AXDND1: variants seen among roughly 807,000 people sequenced by gnomAD.
The protein encoded by AXDND1 is axonemal dynein light chain domain-containing protein 1.
Under a neutral mutation model 137.5 loss-of-function variants are expected in AXDND1, and 110 were observed. The observed-to-expected ratio is 0.80, with a 90% CI of 0.69 to 0.94. The LOEUF is 0.94. Among genes scored for constraint, AXDND1 ranks in the 40% least tolerant of loss-of-function variants. AXDND1 has a pLI of 0.00. For missense variants in AXDND1, 1,191 were observed against 1,169.8 expected (o/e 1.02, Z -0.26); for synonymous variants, 414 against 399.7 (o/e 1.04, Z -0.43).
At chr1:179,518,723 T>A (rs1345666723) in intron 21 of AXDND1, among the ~76,000 whole-genome samples, 1 of 152,216 alleles carries the variant, frequency 6.6e-6, no homozygotes, top group East Asian at 1.9e-4. Context: ...ATGATCTCAT[T>A]CTTTTTTATG....
At chr1:179,524,875 A>G (rs562760900) in intron 21 of AXDND1, among the ~76,000 whole-genome samples, 3 of 152,288 alleles carry the variant, frequency 2.0e-5, no homozygotes, top group Non-Finnish European at 2.9e-5. Context: ...ATAAGAGCCA[A>G]TCATCTCCCT....
At chr1:179,537,787 C>G (rs1430213534) in intron 25 of AXDND1, among the ~76,000 whole-genome samples, 1 of 152,042 alleles carries the variant, frequency 6.6e-6, no homozygotes, top group African/African-American at 2.4e-5. Context: ...CTCTTTGTAC[C>G]TCTGGTAGAA....
chr1:179,518,392 T>C (rs57340322), intron 21 of AXDND1, among the ~76,000 whole-genome samples: 48,326 of 151,292 alleles, frequency 0.32, 8,513 homozygotes, highest in Middle Eastern at 0.44. Flanking sequence ...TTTCTTTTTT[T>C]TTTTTTTGAC....
At chr1:179,381,468 C>T (rs1023169799) in intron 6 of AXDND1, among the ~76,000 whole-genome samples, 4 of 150,844 alleles carry the variant, frequency 2.7e-5, no homozygotes, top group Non-Finnish European at 5.9e-5. Flanking sequence ...CTCAGCCTCC[C>T]GAGTAGCTGT....
At chr1:179,446,909 A>G (rs975358857) in intron 16 of AXDND1, among the ~76,000 whole-genome samples, 4 of 71,954 alleles carry the variant, frequency 5.6e-5, no homozygotes, top group African/African-American at 1.3e-4. Flanking sequence ...TAATCTCTCT[A>G]TATTTTACTT....
intron 15 of AXDND1, among the ~76,000 whole-genome samples, chr1:179,436,474 A>G (rs1658165292): frequency 2.0e-5 from 3 of 152,248 alleles, no homozygotes; most frequent in Non-Finnish European, 4.4e-5. Flanking sequence ...GATAAAGAAA[A>G]TGTGGTACAT....
At chr1:179,367,515 A>G (rs187761764) in intron 2 of AXDND1, among the ~76,000 whole-genome samples, 259 of 151,978 alleles carry the variant, frequency 1.7e-3, no homozygotes, top group Admixed American at 3.1e-3. Flanking sequence ...CTCCGTCTCA[A>G]ATCACGAGGT....
At chr1:179,394,104 T>G (rs1650635794) in intron 10 of AXDND1, 61 bp downstream of exon 10, 1 of 1,460,598 alleles carries the variant, frequency 6.8e-7, no homozygotes. Flanking sequence ...CTAAAGGGAG[T>G]AAAAAATATT....
At chr1:179,420,537 G>A (rs953957393) in intron 12 of AXDND1, among the ~76,000 whole-genome samples, 1 of 152,032 alleles carries the variant, frequency 6.6e-6, no homozygotes, top group Non-Finnish European at 1.5e-5. Flanking sequence ...ATACTTGGTA[G>A]AATTCAACTA....
At chr1:179,483,026 G>T in intron 17 of AXDND1, 102 bp from the exon 18 acceptor site, 1 of 720,090 alleles carries the variant, frequency 1.4e-6, no homozygotes, top group Non-Finnish European at 2.2e-6. Flanking sequence ...CAACATCTAA[G>T]TTTACAATAC....
At chr1:179,489,626 A>G (rs1666606973) in intron 18 of AXDND1, among the ~76,000 whole-genome samples, 1 of 152,206 alleles carries the variant, frequency 6.6e-6, no homozygotes, top group South Asian at 2.1e-4. Flanking sequence ...TTTTCCTGAT[A>G]CATAAATTCA....
At chr1:179,485,883 T>C (rs1665979495) in intron 18 of AXDND1, among the ~76,000 whole-genome samples, 2 of 151,882 alleles carry the variant, frequency 1.3e-5, no homozygotes, top group Non-Finnish European at 2.9e-5. Flanking sequence ...TTTGGGAGGC[T>C]GAGGTGGGTG....
intron 6 of AXDND1, among the ~76,000 whole-genome samples, chr1:179,381,413 G>A (rs71630219): frequency 0.073 from 10,674 of 146,674 alleles, 467 homozygotes; most frequent in Middle Eastern, 0.15. Flanking sequence ...GTGCGATCTC[G>A]GCTCACTGCA....
intron 20 of AXDND1, among the ~76,000 whole-genome samples, chr1:179,500,028 C>T (rs1667835079): frequency 6.6e-6 from 1 of 152,096 alleles, no homozygotes; most frequent in African/African-American, 2.4e-5. Context: ...TATACAGACT[C>T]TTTCAGGGTC....
At chr1:179,501,812 CA>C (rs756842851) in intron 20 of AXDND1, among the ~76,000 whole-genome samples, 16 of 152,074 alleles carry the variant, frequency 1.1e-4, no homozygotes, top group Non-Finnish European at 1.6e-4. Context: ...ACACAAAAAT[CA>C]ATTCCAAATG....
intron 16 of AXDND1, among the ~76,000 whole-genome samples, chr1:179,446,903 C>A (rs1370033531): frequency 9.1e-6 from 1 of 109,798 alleles, no homozygotes; most frequent in Non-Finnish European, 1.9e-5. Context: ...ACATAATAAT[C>A]TCTCTATATT....
intron 25 of AXDND1, chr1:179,543,156 C>G (rs1231415914): frequency 1.3e-5 from 2 of 152,184 alleles, no homozygotes; most frequent in Non-Finnish European, 2.9e-5. Context: ...GTGGTAACGG[C>G]AGGAGCCTTG....
Position 179,483,297 on chromosome 1 carries a change from C to T in AXDND1, c.2091+76C>T, listed in dbSNP as rs141188219. 6.2e-4 allele frequency: 586 copies of T among 950,272 alleles called. 2 individuals carry two copies. The East Asian group carries it at 0.016, about 26-fold the overall frequency. The allele number at this position is 950,272 out of a possible 1,614,324, so 58.9% of individuals were successfully genotyped here. A position where few individuals can be genotyped will look rare whatever the true frequency, so the allele number is the denominator to read the frequency against. On this transcript the variant is annotated intron_variant, in intron 18 of 25. Coordinates refer to ENST00000367618, the MANE Select transcript of AXDND1 (RefSeq NM_144696.6). Reference sequence around the variant, plus strand: ...TTTCTTCAAGGAAAAATAATGCTCTCCCTATTTAAATGAAGCAGGAGGTTG... The same window carrying T: ...TTTCTTCAAGGAAAAATAATGCTCTTCCTATTTAAATGAAGCAGGAGGTTG...
chr1:179,534,755 G>C lies in AXDND1; in HGVS notation c.2824G>C (p.Ala942Pro), dbSNP rs556721878. 5.0e-6 allele frequency: 8 copies of C among 1,590,428 alleles called. No homozygotes were observed. Among genetic ancestry groups the C allele is most frequent in the Non-Finnish European group, 6.8e-6 (8 of 1,174,356 alleles). Residue 942 changes from alanine to proline, a missense_variant, in exon 25 of 26, where the codon GCA becomes CCA. Ala to Pro is a conservative substitution (Grantham distance 27, BLOSUM62 -1). Coordinates refer to ENST00000367618, the MANE Select transcript of AXDND1 (RefSeq NM_144696.6). ...GGAGGTTGAAAATAGAGCCAGACAG[G>C]CAGAGGAGAAGTTTGAAGATGCATA... ...LLEVENRARQ[A>P]EEKFEDAYEK...
Sources: allele counts gnomAD v4.1 joint callset (sites outside exome capture counted in the v4.1 genomes callset), GRCh38; gene constraint gnomAD v4.1.1; transcripts MANE v1.5; gene names NCBI Gene and HGNC (gene_info 2026-07-23, HGNC 2026-07-21).